CLVS1: variants seen among roughly 807,000 people sequenced by gnomAD.
The protein encoded by CLVS1 is clavesin 1.
A neutral mutation model predicts 33.1 loss-of-function variants in CLVS1; 10 were observed. The ratio of observed to expected loss-of-function variants is 0.30; its 90% CI spans 0.19 to 0.51. The LOEUF (loss-of-function observed/expected upper bound fraction) is 0.51, where lower values mean the gene tolerates loss of function less well. Among genes scored for constraint, CLVS1 ranks in the 20% least tolerant of loss-of-function variants. CLVS1 has a pLI of 0.97. For synonymous variants in CLVS1, 163 were observed against 166.1 expected, an observed-to-expected ratio of 0.98 and a Z score of 0.14; for missense variants, 343 against 433.4, an observed-to-expected ratio of 0.79 and a Z score of 1.85.
At chr8:61,183,959 A>G (rs533844410) in intron 2 of CLVS1, among the ~76,000 whole-genome samples, 1 of 152,314 alleles carries the variant, frequency 6.6e-6, no homozygotes, top group East Asian at 1.9e-4. Context: ...TTTCGGAAAA[A>G]GTAATGTCTG....
rs562670431 is a variant in CLVS1, at chr8:61,116,462, A to G, written c.-242-15308A>G. On this transcript the variant is annotated intron_variant, in intron 1 of 2. Coordinates refer to the CLVS1 transcript ENST00000522621. ...TCCTTGCCCATGCCTATGTTCTGAA[A>G]GGTAATGCCTAGGTTTTCTTCTAGG... 1.2e-4 allele frequency among the ~76,000 whole-genome samples: 19 copies of G among 152,264 alleles called. No homozygotes were observed. In the East Asian group the frequency reaches 3.5e-3, roughly 28 times the overall value.
At chr8:61,155,855 C>G (rs1473507562) in intron 2 of CLVS1, among the ~76,000 whole-genome samples, 1 of 152,104 alleles carries the variant, frequency 6.6e-6, no homozygotes, top group Non-Finnish European at 1.5e-5. Flanking sequence ...AAACTGTTAC[C>G]CCAGGCACTC....
chr8:61,180,813 A>G (rs902767437), intron 2 of CLVS1, among the ~76,000 whole-genome samples: 1 of 152,196 alleles, frequency 6.6e-6, no homozygotes, highest in Non-Finnish European at 1.5e-5. Context: ...AACTCTCAAT[A>G]AACTACATAT....
the CLVS1 span, among the ~76,000 whole-genome samples, chr8:61,031,354 C>T: frequency 3.3e-5 from 5 of 152,202 alleles, no homozygotes; most frequent in African/African-American, 1.2e-4. Context: ...TTCGTATGGG[C>T]TTCCTGGTGC....
chr8:61,438,797 G>C (rs978427381), intron 3 of CLVS1, among the ~76,000 whole-genome samples: 4 of 152,076 alleles, frequency 2.6e-5, no homozygotes, highest in African/African-American at 7.2e-5. Context: ...CTGTAAAATG[G>C]GATAATATAG....
At chr8:61,201,094 A>G (rs987517831) in intron 2 of CLVS1, among the ~76,000 whole-genome samples, 4 of 152,210 alleles carry the variant, frequency 2.6e-5, no homozygotes, top group Non-Finnish European at 5.9e-5. Context: ...ACTCACACAC[A>G]CACAAAGCAA....
intron 3 of CLVS1, among the ~76,000 whole-genome samples, chr8:61,417,185 G>T (rs1306357038): frequency 1.3e-5 from 2 of 152,142 alleles, no homozygotes; most frequent in Non-Finnish European, 2.9e-5. Flanking sequence ...TTGCTGCAGG[G>T]CATGGAATGA....
intron 1 of CLVS1, among the ~76,000 whole-genome samples, chr8:61,074,364 A>G (rs1804860492): frequency 9.0e-6 from 1 of 111,274 alleles, no homozygotes; most frequent in Non-Finnish European, 1.6e-5. Context: ...GTGTGTGTAT[A>G]TATATATATA....
intron 3 of CLVS1, among the ~76,000 whole-genome samples, chr8:61,422,865 G>T (rs775735409): frequency 2.0e-5 from 3 of 152,124 alleles, no homozygotes; most frequent in Non-Finnish European, 4.4e-5. Context: ...GTGTTCCCTG[G>T]TCTACCCTCT....
At chr8:61,321,302 C>T (rs933439282) in intron 2 of CLVS1, among the ~76,000 whole-genome samples, 5 of 151,982 alleles carry the variant, frequency 3.3e-5, no homozygotes, top group Middle Eastern at 3.2e-3. Flanking sequence ...AGAAGTTCTG[C>T]GGTGGTTTGC....
intron 2 of CLVS1, among the ~76,000 whole-genome samples, chr8:61,358,068 G>A (rs190649773): frequency 6.6e-6 from 1 of 152,264 alleles, no homozygotes; most frequent in Admixed American, 6.5e-5. Flanking sequence ...GTTTCTTAAA[G>A]TCACCAGAGA....
At chr8:61,429,419 TAAAA>T (rs57688988) in intron 3 of CLVS1, among the ~76,000 whole-genome samples, 1 of 73,244 alleles carries the variant, frequency 1.4e-5, no homozygotes, top group African/African-American at 6.1e-5. Flanking sequence ...GACTCTGTCT[TAAAA>T]AAAAAAAAAA....
At chr8:61,387,541 C>G (rs1283807730) in intron 3 of CLVS1, among the ~76,000 whole-genome samples, 1 of 114,786 alleles carries the variant, frequency 8.7e-6, no homozygotes, top group African/African-American at 3.3e-5. Context: ...TGAATAAGTT[C>G]TTTAGTGGTG....
intron 1 of CLVS1, among the ~76,000 whole-genome samples, chr8:61,100,445 T>A (rs1805428198): frequency 6.6e-6 from 1 of 152,214 alleles, no homozygotes; most frequent in African/African-American, 2.4e-5. Context: ...GAAGCTTCTT[T>A]GTCTTCCCCA....
At chr8:61,362,935 G>A (rs1418574690) in intron 2 of CLVS1, among the ~76,000 whole-genome samples, 1 of 152,164 alleles carries the variant, frequency 6.6e-6, no homozygotes, top group African/African-American at 2.4e-5. Context: ...GAAAGAGACA[G>A]CTCTTTTCTC....
intron 3 of CLVS1, among the ~76,000 whole-genome samples, chr8:61,405,741 T>C (rs894527324): frequency 1.3e-5 from 2 of 149,410 alleles, no homozygotes; most frequent in Non-Finnish European, 3.0e-5. Flanking sequence ...GGCAAGGCAC[T>C]GTGGAAGATG....
At chr8:61,171,754 C>T (rs777613559) in intron 2 of CLVS1, among the ~76,000 whole-genome samples, 1 of 152,104 alleles carries the variant, frequency 6.6e-6, no homozygotes, top group Non-Finnish European at 1.5e-5. Flanking sequence ...GCTGGGACAG[C>T]TAAGTATATC....
chr8:61,236,731 C>T (rs1233722707), intron 2 of CLVS1, among the ~76,000 whole-genome samples: 2 of 152,136 alleles, frequency 1.3e-5, no homozygotes, highest in African/African-American at 2.4e-5. Flanking sequence ...TTACATGTTT[C>T]TAAATGGAAA....
chr8:61,448,256 C>G (rs1305440026), intron 3 of CLVS1, among the ~76,000 whole-genome samples: 2 of 151,990 alleles, frequency 1.3e-5, no homozygotes, highest in Non-Finnish European at 2.9e-5. Flanking sequence ...GGTATTCACT[C>G]AGCTTCTTGA....
Sources: allele counts gnomAD v4.1 joint callset (sites outside exome capture counted in the v4.1 genomes callset), GRCh38; gene constraint gnomAD v4.1.1; transcripts MANE v1.5; gene names NCBI Gene and HGNC (gene_info 2026-07-23, HGNC 2026-07-21).